NECAB2: variants seen among roughly 807,000 people sequenced by gnomAD.
NECAB2 encodes the protein N-terminal EF-hand calcium-binding protein 2.
In NECAB2, 68 loss-of-function variants were observed where a neutral mutation model predicts 51.9. The ratio of observed to expected loss-of-function variants is 1.31; its 90% CI spans 1.08 to 1.60. The LOEUF is 1.60. Ranked by LOEUF, NECAB2 falls within the 40% of genes most tolerant of loss-of-function variation. The pLI, the probability that NECAB2 is intolerant of heterozygous loss-of-function variation, is 0.00. For synonymous variants in NECAB2, 329 were observed against 203.5 expected (o/e 1.62, Z -5.25); for missense variants, 854 against 490.3 (o/e 1.74, Z -7.00).
intron 7 of NECAB2, 39 bp from the exon 8 acceptor site, chr16:83,994,570 C>T (rs2084670684): frequency 6.2e-7 from 1 of 1,612,464 alleles, no homozygotes; most frequent in Non-Finnish European, 8.5e-7. Flanking sequence ...CCTCGTCCTG[C>T]CCACCACTGA....
chr16:83,982,813 A>G (rs1280695969), intron 5 of NECAB2, among the ~76,000 whole-genome samples: 2 of 151,434 alleles, frequency 1.3e-5, no homozygotes, highest in Admixed American at 1.3e-4. Flanking sequence ...AGTCGTGGTG[A>G]TGATAGGTTG....
At chr16:83,990,110 C>T (rs374845784) in intron 5 of NECAB2, among the ~76,000 whole-genome samples, 1 of 152,210 alleles carries the variant, frequency 6.6e-6, no homozygotes, top group African/African-American at 2.4e-5. Context: ...GCCACCATCA[C>T]CGTCATCTAT....
chr16:83,972,032 C>T, intron 1 of NECAB2, 119 bp from the exon 2 acceptor site: 1 of 1,386,190 alleles, frequency 7.2e-7, no homozygotes, highest in Admixed American at 1.9e-5. Context: ...GGGGGCTCAG[C>T]TTCCCAGGAC....
rs375268926 is a variant in NECAB2 at position 83,999,250 on chromosome 16, TTGAG to T, written c.962+935_962+938del. Among the ~76,000 whole-genome samples, 560 of 150,952 alleles carry T rather than the reference TTGAG, an allele frequency of 3.7e-3. 1 individual carries two copies. The highest frequency in any genetic ancestry group is 0.013 in the African/African-American group (527 of 40,480). ...TCGGCGTGGCCACGAGGGGCCATTC[TTGAG>T]TAAGTAGCCAGGATGGGGGGGCAGG... On this transcript the variant is annotated intron_variant, in intron 10 of 12. Transcript: ENST00000305202.
At chr16:83,966,546 G>C (rs906124463), upstream of NECAB2, among the ~76,000 whole-genome samples, 1 of 151,998 alleles carries the variant, frequency 6.6e-6, no homozygotes, top group Non-Finnish European at 1.5e-5. Context: ...GGGGGTGGGA[G>C]TGGCGGGTGT....
rs2084666273 is a variant in NECAB2 at position 83,994,335 on chromosome 16, A to G, written c.630A>G (p.Ala210=). ...QNHIKPSHSA[A]QTWCGSPTPA... is the part of the protein sequence containing the mutation. The stretch of plus-strand genomic sequence containing the variant: ...ACATCAAACCCAGCCACAGCGCGGC[A>G]CAGACCTGGTGTGGAAGCCCCACTC... The change falls in exon 7 of 13, where the codon GCA becomes GCG. Residue 210 remains alanine (A), a synonymous_variant. Transcript: ENST00000305202. 5 of 1,614,182 alleles carry G rather than the reference A, an allele frequency of 3.1e-6. No homozygotes were observed. Among genetic ancestry groups the G allele is most frequent in the Non-Finnish European group, 4.2e-6 (5 of 1,180,030 alleles).
chr16:84,002,257 A>C (rs1347865915), intron 12 of NECAB2, 61 bp from the exon 13 acceptor site: 7 of 1,584,674 alleles, frequency 4.4e-6, no homozygotes, highest in African/African-American at 4.1e-5. Context: ...GACGACCACC[A>C]CCAGCTACGA....
intron 11 of NECAB2, 104 bp from the exon 12 acceptor site, chr16:84,001,718 CTTA>C: frequency 8.2e-7 from 1 of 1,216,452 alleles, no homozygotes; most frequent in East Asian, 2.5e-5. Flanking sequence ...ACCCCCCGTG[CTTA>C]TTGATAAGCT....
chr16:83,965,454 G>C, upstream of NECAB2: 1 of 1,599,824 alleles, frequency 6.3e-7, no homozygotes, highest in Non-Finnish European at 8.5e-7. Flanking sequence ...ATTGGCGCGG[G>C]GCTGTCAGCG....
intron 8 of NECAB2, among the ~76,000 whole-genome samples, 174 bp from the exon 9 acceptor site, chr16:83,997,042 C>T (rs184994979): frequency 0.014 from 2,157 of 150,490 alleles, 24 homozygotes; most frequent in Non-Finnish European, 0.018. Flanking sequence ...ATGTTCTAGG[C>T]CCCCTGTAGG....
In NECAB2 at chr16:83,978,505, G is replaced by A. The variant is rs1407198492; in HGVS notation, c.288G>A (p.Glu96=). The change falls in exon 3 of 13, where the codon GAG becomes GAA. Residue 96 remains glutamate, a synonymous_variant. Coordinates refer to ENST00000305202, the MANE Select transcript of NECAB2 (RefSeq NM_019065.3). ...TCTTTGCAGATGGCGTCCTTAATGAGAAAGAACTGGAGGATCTCTTTCACA... is the reference window on the plus strand; with the variant it reads ...TCTTTGCAGATGGCGTCCTTAATGAAAAAGAACTGGAGGATCTCTTTCACA... ...QLFFADGVLN[E]KELEDLFHTI... The A allele has an allele frequency of 6.2e-7, 1 of 1,613,958 alleles. No individual in the cohort carries two copies. The highest frequency in any genetic ancestry group is 1.7e-5 in the Admixed American group (1 of 59,990).
At position 83,998,143 on chromosome 16, in the gene NECAB2, T is replaced by G; in HGVS notation, c.850-62T>G. On this transcript the variant is annotated intron_variant, in intron 9 of 12. Coordinates refer to ENST00000305202, the MANE Select transcript of NECAB2 (RefSeq NM_019065.3). ...AGGAAGGGAGGTCATGGGGGCCTGATGGGGTGTTTAGGGAGAAGGCCTGAC... is the reference window on the plus strand; with the variant it reads ...AGGAAGGGAGGTCATGGGGGCCTGAGGGGGTGTTTAGGGAGAAGGCCTGAC... 3.4e-6 allele frequency: 5 copies of G among 1,469,546 alleles called. No individual in the cohort carries two copies. The South Asian group carries it at 3.5e-5, about 10-fold the overall frequency. 91.0% of individuals were successfully genotyped at this position (1,469,546 alleles called of 1,614,324 possible).
intron 2 of NECAB2, among the ~76,000 whole-genome samples, chr16:83,975,300 A>G (rs140288100): frequency 0.012 from 1,815 of 150,584 alleles, 15 homozygotes; most frequent in South Asian, 0.023. Context: ...GTGTGCAGGG[A>G]TGAGAGCAGG....
chr16:83,980,957 G>C, intron 4 of NECAB2, 73 bp from the exon 5 acceptor site: 1 of 1,605,792 alleles, frequency 6.2e-7, no homozygotes. Context: ...AGGTAGCGCA[G>C]GTGGGAGGTG....
intron 5 of NECAB2, among the ~76,000 whole-genome samples, chr16:83,989,147 C>G (rs908915631): frequency 1.3e-5 from 2 of 152,202 alleles, no homozygotes; most frequent in African/African-American, 4.8e-5. Context: ...CAAGTTATGT[C>G]TTCATGTCCG....
At chr16:83,967,522 T>G (rs1597187709), upstream of NECAB2, among the ~76,000 whole-genome samples, 1 of 87,122 alleles carries the variant, frequency 1.1e-5, no homozygotes, top group African/African-American at 4.7e-5. Flanking sequence ...GGAGGATGGA[T>G]GGATGGATGG....
At chr16:83,987,180 G>A (rs2084567253) in intron 5 of NECAB2, among the ~76,000 whole-genome samples, 1 of 152,160 alleles carries the variant, frequency 6.6e-6, no homozygotes, top group Non-Finnish European at 1.5e-5. Flanking sequence ...AGAAAAAATA[G>A]TAAACTTAGA....
In NECAB2 at chr16:84,000,882, G is replaced by C. The variant is rs564446444; in HGVS notation, c.1040+81G>C. The C allele has an allele frequency of 1.3e-5, 19 of 1,422,734 alleles. No homozygotes were observed. The African/African-American group carries it at 1.8e-4, about 14-fold the overall frequency. 88.1% of individuals were successfully genotyped at this position (1,422,734 alleles called of 1,614,324 possible). On this transcript the variant is annotated intron_variant, in intron 11 of 12. Coordinates refer to ENST00000305202, the MANE Select transcript of NECAB2 (RefSeq NM_019065.3). Reference sequence around the variant, plus strand: ...GTCTTCCTGGAGCCAGGCATCCTTGGAGGGGAGGGTAAGGCCGAGTCCAGT... The same window carrying C: ...GTCTTCCTGGAGCCAGGCATCCTTGCAGGGGAGGGTAAGGCCGAGTCCAGT...
intron 11 of NECAB2, 94 bp from the exon 12 acceptor site, chr16:84,001,731 T>C: frequency 7.4e-7 from 1 of 1,357,550 alleles, no homozygotes; most frequent in Non-Finnish European, 1.0e-6. Context: ...ATTGATAAGC[T>C]CCCCATTTTG....
Sources: gnomAD v4.1 joint callset for allele counts (sites outside exome capture counted in the v4.1 genomes callset) on GRCh38, gnomAD v4.1.1 for gene constraint, MANE v1.5 for transcripts, NCBI Gene and HGNC (gene_info 2026-07-23, HGNC 2026-07-21) for gene names.